Variants in ABCA4 observed in about 807,000 individuals in gnomAD.
The protein encoded by ABCA4 is retinal-specific phospholipid-transporting ATPase ABCA4.
ABCA4 carries 196 observed loss-of-function variants against 263.7 expected under a neutral mutation model. The ratio of observed to expected loss-of-function variants is 0.74; its 90% CI spans 0.66 to 0.84. ABCA4 has a LOEUF of 0.84. Ranked by LOEUF, ABCA4 falls within the 40% of genes least tolerant of loss-of-function variation. ABCA4 has a pLI of 0.00. For synonymous variants in ABCA4, 1,133 were observed against 1,094.2 expected, an observed-to-expected ratio of 1.04 and a Z score of -0.70; for missense variants, 2,792 against 2,855.1, an observed-to-expected ratio of 0.98 and a Z score of 0.50.
At chr1:94,117,319 G>A (rs987980349) in intron 1 of ABCA4, among the ~76,000 whole-genome samples, 5 of 152,152 alleles carry the variant, frequency 3.3e-5, no homozygotes, top group African/African-American at 1.2e-4. Context: ...AACATGACCC[G>A]GAGCCTGGGT....
At chr1:94,118,854 G>T (rs375220842) in intron 1 of ABCA4, among the ~76,000 whole-genome samples, 12 of 152,334 alleles carry the variant, frequency 7.9e-5, no homozygotes, top group Middle Eastern at 3.4e-3. Context: ...TGAAAACAGG[G>T]TTATTCTCTG....
At chr1:94,009,536 G>A (rs1256033837) in intron 40 of ABCA4, among the ~76,000 whole-genome samples, 1 of 152,032 alleles carries the variant, frequency 6.6e-6, no homozygotes, top group Non-Finnish European at 1.5e-5. Flanking sequence ...TCTCCCCCTG[G>A]TTCCCAGTCC....
intron 6 of ABCA4, among the ~76,000 whole-genome samples, chr1:94,088,329 G>A (rs1436598488): frequency 6.6e-6 from 1 of 152,120 alleles, no homozygotes; most frequent in East Asian, 1.9e-4. Flanking sequence ...TTCCCCTGAA[G>A]TGCTGAGGTT....
intron 1 of ABCA4, among the ~76,000 whole-genome samples, chr1:94,113,361 C>T (rs1662664792): frequency 6.6e-6 from 1 of 152,242 alleles, no homozygotes. Flanking sequence ...TGCTTCAGTG[C>T]ATTTTAGCTG....
Position 93,992,987 on chromosome 1 carries a change from T to C in ABCA4, c.*250A>G. ...TGGGATGGCCCGGGGTTTCTAGTTC[T>C]GGGGTCTGGAGAAGGATTTTGTATT... On this transcript the variant is annotated 3_prime_UTR_variant, in exon 50 of 50. Coordinates refer to ENST00000370225, the MANE Select transcript of ABCA4 (RefSeq NM_000350.3). 1 of 563,004 alleles carries C rather than the reference T, an allele frequency of 1.8e-6. No individual in the cohort carries two copies. Among genetic ancestry groups the C allele is most frequent in the Non-Finnish European group, 3.2e-6 (1 of 315,048 alleles). 34.9% of individuals were successfully genotyped at this position (563,004 alleles called of 1,614,324 possible).
intron 11 of ABCA4, among the ~76,000 whole-genome samples, chr1:94,070,623 G>A (rs757380383): frequency 1.3e-5 from 2 of 152,214 alleles, no homozygotes; most frequent in Non-Finnish European, 2.9e-5. Flanking sequence ...TCAGGGCCAT[G>A]AAGGTGCGGA....
chr1:94,094,285 C>T (rs1044130659), intron 6 of ABCA4, among the ~76,000 whole-genome samples: 11 of 152,158 alleles, frequency 7.2e-5, no homozygotes, highest in African/African-American at 2.7e-4. Flanking sequence ...CGCTTCTCCC[C>T]AGTGACTCAG....
intron 11 of ABCA4, among the ~76,000 whole-genome samples, chr1:94,074,513 G>T (rs4847274): frequency 2.6e-5 from 4 of 152,012 alleles, no homozygotes; most frequent in South Asian, 2.1e-4. Context: ...ATTGAAAAAT[G>T]GATCTAATTA....
Position 94,097,055 on chromosome 1 carries a change from T to G in ABCA4, c.768+1739A>C, listed in dbSNP as rs141944085. 6.4e-3 allele frequency among the ~76,000 whole-genome samples: 974 copies of G among 152,360 alleles called. 13 individuals carry two copies. The highest frequency in any genetic ancestry group is 0.023 in the African/African-American group (936 of 41,576). On this transcript the variant is annotated intron_variant, in intron 6 of 49. Coordinates refer to ENST00000370225, the MANE Select transcript of ABCA4 (RefSeq NM_000350.3). Reference sequence around the variant, plus strand: ...TTTGTTGCCTCACTCTTCTGTCTGATTCTGAAAACAAGTCAAGGAGCGTGT... The same window carrying G: ...TTTGTTGCCTCACTCTTCTGTCTGAGTCTGAAAACAAGTCAAGGAGCGTGT...
At chr1:94,009,534 T>C (rs878915705) in intron 40 of ABCA4, among the ~76,000 whole-genome samples, 1 of 152,192 alleles carries the variant, frequency 6.6e-6, no homozygotes, top group Admixed American at 6.5e-5. Context: ...CATCTCCCCC[T>C]GGTTCCCAGT....
At chr1:94,066,755 G>C (rs77104761) in intron 11 of ABCA4, among the ~76,000 whole-genome samples, 1 of 152,222 alleles carries the variant, frequency 6.6e-6, no homozygotes, top group Admixed American at 6.5e-5. Context: ...AGCCACAAGC[G>C]GGGGTGTAAC....
chr1:94,013,228 C>CTA (rs772995299), intron 38 of ABCA4, among the ~76,000 whole-genome samples: 86,648 of 151,420 alleles, frequency 0.57, 27,549 homozygotes, highest in South Asian at 0.76. Flanking sequence ...TATCCCCCCG[C>CTA]CTTTCCAGAG....
chr1:94,103,165 A>G (rs1662331940), intron 4 of ABCA4, 23 bp from the exon 5 acceptor site: 1 of 1,613,156 alleles, frequency 6.2e-7, no homozygotes, highest in African/African-American at 1.3e-5. Context: ...AAGAGAAAGA[A>G]CAGGGTGTTG....
intron 13 of ABCA4, 118 bp from the exon 14 acceptor site, chr1:94,060,877 G>A (rs774051847): frequency 1.1e-5 from 9 of 830,736 alleles, no homozygotes; most frequent in Non-Finnish European, 1.8e-5. Context: ...AAGGAAAACA[G>A]GAAAACCTCC....
chr1:94,061,888 T>A (rs1211030834), intron 13 of ABCA4, among the ~76,000 whole-genome samples: 1 of 152,186 alleles, frequency 6.6e-6, no homozygotes, highest in Admixed American at 6.5e-5. Flanking sequence ...CAATTGTAGA[T>A]CTCTGCTGCT....
intron 49 of ABCA4, 31 bp downstream of exon 49, chr1:93,996,078 A>C (rs1658990363): frequency 6.2e-7 from 1 of 1,604,108 alleles, no homozygotes; most frequent in Non-Finnish European, 8.5e-7. Flanking sequence ...GAACTGCCTC[A>C]AGCTGTGGAC....
chr1:94,060,176 TC>T (rs34917828), intron 14 of ABCA4, among the ~76,000 whole-genome samples: 1 of 152,154 alleles, frequency 6.6e-6, no homozygotes, highest in African/African-American at 2.4e-5. Flanking sequence ...AGGAAAACAC[TC>T]CCTGAACTGA....
chr1:94,030,650 G>C, intron 28 of ABCA4, 124 bp from the exon 29 acceptor site: 1 of 968,258 alleles, frequency 1.0e-6, no homozygotes, highest in Non-Finnish European at 1.6e-6. Flanking sequence ...TGCTGCCTTG[G>C]GATGGCGCTA....
rs1051271748 is a variant in ABCA4 at position 94,055,371 on chromosome 1, C to A, written c.2383-56G>T. On this transcript the variant is annotated intron_variant, in intron 15 of 49. Transcript: ENST00000370225. ...GAGCAGTGCCTTTTATCCAATGCAA[C>A]AGCACCCAGATGCCCTCGAGGTAGA... The A allele has an allele frequency of 3.2e-6, 5 of 1,569,158 alleles. No homozygotes were observed. The South Asian group carries it at 3.4e-5, about 11-fold the overall frequency.
Sources: gnomAD v4.1 joint callset for allele counts (sites outside exome capture counted in the v4.1 genomes callset) on GRCh38, gnomAD v4.1.1 for gene constraint, MANE v1.5 for transcripts, NCBI Gene and HGNC (gene_info 2026-07-23, HGNC 2026-07-21) for gene names.